TNFAIP2: variants seen among roughly 807,000 people sequenced by gnomAD.
TNFAIP2 encodes the protein tumor necrosis factor alpha-induced protein 2.
TNFAIP2 carries 47 observed loss-of-function variants against 63.5 expected under a neutral mutation model. That is an observed-to-expected ratio of 0.74 (90% CI 0.59 to 0.94). The LOEUF (loss-of-function observed/expected upper bound fraction) is 0.94, where lower values mean the gene tolerates loss of function less well. Ranked by LOEUF, TNFAIP2 falls within the 40% of genes least tolerant of loss-of-function variation. The probability of loss-of-function intolerance (pLI) is 0.00; values close to 1 mark genes in which losing one functional copy is unlikely to be tolerated. For missense variants in TNFAIP2, 787 were observed against 850.2 expected (o/e 0.93, Z 0.92); for synonymous variants, 405 against 390.2 (o/e 1.04, Z -0.45).
In TNFAIP2 at chr14:103,131,572, T is replaced by C; in HGVS notation, c.1299-67T>C. 1 of 1,507,144 alleles carries C rather than the reference T, an allele frequency of 6.6e-7. No individual in the cohort carries two copies. Among genetic ancestry groups the C allele is most frequent in the Non-Finnish European group, 8.9e-7 (1 of 1,127,322 alleles). 93.4% of individuals were successfully genotyped at this position (1,507,144 alleles called of 1,614,324 possible). On this transcript the variant is annotated intron_variant, in intron 7 of 11. Transcript: ENST00000560869. The surrounding 1 kb of genome is among the most constrained non-coding windows in gnomAD (Gnocchi z 4.0). ...TCTAGAGTGAAGAGAGGGGGCTGTC[T>C]GGCTCCCTGGGTATGGGGCTATAGG... is the stretch of plus-strand genomic sequence containing the variant.
Position 103,131,288 on chromosome 14 carries a change from G to A in TNFAIP2, c.1298+138G>A. On this transcript the variant is annotated intron_variant, in intron 7 of 11. Coordinates refer to ENST00000560869, the MANE Select transcript of TNFAIP2 (RefSeq NM_006291.4). This position sits in a 1 kb window ranked among gnomAD's most constrained non-coding sequence, Gnocchi z 4.0. ...CAGCAACATGTGTGAGGACTCCACG[G>A]CCTGCAGCAGCAGCAGCAAACATTT... 1 of 893,832 alleles carries A rather than the reference G, an allele frequency of 1.1e-6. No homozygotes were observed. Among genetic ancestry groups the A allele is most frequent in the Non-Finnish European group, 1.7e-6 (1 of 574,264 alleles). 55.4% of individuals were successfully genotyped at this position (893,832 alleles called of 1,614,324 possible). A position where few individuals can be genotyped will look rare whatever the true frequency, so the allele number is the denominator to read the frequency against.
chr14:103,129,670 C>G, intron 3 of TNFAIP2, 70 bp from the exon 4 acceptor site: 2 of 1,442,300 alleles, frequency 1.4e-6, no homozygotes, highest in Non-Finnish European at 1.9e-6. Context: ...GGCTGAGGGC[C>G]TGGGCTCTAG....
upstream of TNFAIP2, among the ~76,000 whole-genome samples, chr14:103,121,847 C>T (rs1016230104): frequency 7.6e-6 from 1 of 132,214 alleles, no homozygotes; most frequent in African/African-American, 2.9e-5. Flanking sequence ...GCAGACTTCC[C>T]GAGCAATTTC....
chr14:103,127,682 G>C lies in TNFAIP2; in HGVS notation c.860+53G>C. On this transcript the variant is annotated intron_variant, in intron 3 of 11. Transcript: ENST00000560869. The surrounding 1 kb of genome is among the most constrained non-coding windows in gnomAD (Gnocchi z 5.1). ...CCGGCAGGGAGGGTGTCCTCTGTAG[G>C]AGGGGTGTCGAGGGGTGTCGAGGTG... 7.2e-7 allele frequency: 1 copy of C among 1,387,632 alleles called. No homozygotes were observed. The highest frequency in any genetic ancestry group is 9.3e-7 in the Non-Finnish European group (1 of 1,073,190). 86.0% of individuals were successfully genotyped at this position (1,387,632 alleles called of 1,614,324 possible). A position where few individuals can be genotyped will look rare whatever the true frequency, so the allele number is the denominator to read the frequency against.
rs1210244645 is a variant in TNFAIP2, at chr14:103,127,128, G to A, written c.359G>A (p.Arg120Gln). 3 of 1,100,828 alleles carry A rather than the reference G, an allele frequency of 2.7e-6. No individual in the cohort carries two copies. Among genetic ancestry groups the A allele is most frequent in the South Asian group, 3.4e-5 (1 of 29,024 alleles). The allele number at this position is 1,100,828 out of a possible 1,614,324, so 68.2% of individuals were successfully genotyped here. A position where few individuals can be genotyped will look rare whatever the true frequency, so the allele number is the denominator to read the frequency against. ...AGGVSEEELV[R>Q]RQSKVEALYE... ...GGTGTGAGCGAGGAGGAGCTGGTGC[G>A]GCGCCAGAGCAAGGTGGAGGCGCTG... Residue 120 changes from arginine (R) to glutamine (Q), a missense_variant, in exon 3 of 12, where the codon CGG becomes CAG. By Grantham distance (43) the Arg-to-Gln change is conservative. Transcript: ENST00000560869. The surrounding 1 kb of genome is among the most constrained non-coding windows in gnomAD (Gnocchi z 5.1).
chr14:103,129,818 C>G lies in TNFAIP2; in HGVS notation c.939C>G (p.Ile313Met), dbSNP rs2087933035. The G allele has an allele frequency of 6.2e-7, 1 of 1,614,062 alleles. No homozygotes were observed. The highest frequency in any genetic ancestry group is 1.3e-5 in the African/African-American group (1 of 75,044). ...GLGSLLPPRQ[I>M]RLLEATFLSS... ...GGAGCCTCCTGCCCCCCAGGCAGATCCGACTGCTGGAGGCCACATTCCTGT... is the reference window on the plus strand; with the variant it reads ...GGAGCCTCCTGCCCCCCAGGCAGATGCGACTGCTGGAGGCCACATTCCTGT... The change falls in exon 4 of 12, where the codon ATC (isoleucine) becomes ATG (methionine). Residue 313 changes from isoleucine (I) to methionine (M), a missense_variant. Ile to Met is a conservative substitution (Grantham distance 10). This residue lies in a region of TNFAIP2 where 523 missense variants were observed against 604.1 expected (regional missense o/e 0.87). Coordinates refer to ENST00000560869, the MANE Select transcript of TNFAIP2 (RefSeq NM_006291.4).
Position 103,130,093 on chromosome 14 carries a change from G to A in TNFAIP2, c.1067G>A (p.Cys356Tyr), listed in dbSNP as rs1407670627. The stretch of plus-strand genomic sequence containing the variant: ...CCTCCCCAGAGGCTGGACGGCCACT[G>A]CCACAGCGAGCTGGCCATCGACATC... ...DVPPQRLDGH[C>Y]HSELAIDIIQ... Residue 356 changes from cysteine (C) to tyrosine (Y), a missense_variant, in exon 5 of 12, where the codon TGC becomes TAC. By Grantham distance (194) the Cys-to-Tyr change is radical. Around this residue, in one of 3 missense-constraint regions of TNFAIP2, gnomAD observed 523 missense variants for 604.1 expected, o/e 0.87. Transcript: ENST00000560869. 3.1e-6 allele frequency: 5 copies of A among 1,613,366 alleles called. No homozygotes were observed. The highest frequency in any genetic ancestry group is 4.2e-6 in the Non-Finnish European group (5 of 1,179,856).
At chr14:103,122,328 G>A (rs560977945), upstream of TNFAIP2, among the ~76,000 whole-genome samples, 21 of 152,300 alleles carry the variant, frequency 1.4e-4, 1 homozygote, top group South Asian at 4.3e-3. Flanking sequence ...TGGCCCCCCT[G>A]GTCCTGGAAG....
rs571706933 is a variant in TNFAIP2 at position 103,133,135 on chromosome 14, A to C, written c.1546-227A>C. On this transcript the variant is annotated intron_variant, in intron 9 of 11. Transcript: ENST00000560869. ...ACATATGAACACACGTGAAGGCACGAGCATGTAAACACACACATGTGAACA... is the reference window on the plus strand; with the variant it reads ...ACATATGAACACACGTGAAGGCACGCGCATGTAAACACACACATGTGAACA... Among the ~76,000 whole-genome samples the C allele has an allele frequency of 4.3e-5, 5 of 115,240 alleles. No individual in the cohort carries two copies. In the South Asian group the frequency reaches 1.2e-3, roughly 28 times the overall value. 75.6% of individuals were successfully genotyped at this position (115,240 alleles called of 152,430 possible).
Position 103,135,412 on chromosome 14 carries a change from C to A in TNFAIP2, c.*52C>A. ...GAGTGCCCAGCAAGCCTTGGGCACACCCCGCTGGGAGCTGTTAAGAGCAGC... is the reference window on the plus strand; with the variant it reads ...GAGTGCCCAGCAAGCCTTGGGCACAACCCGCTGGGAGCTGTTAAGAGCAGC... On this transcript the variant is annotated 3_prime_UTR_variant, in exon 12 of 12. Transcript: ENST00000560869. The surrounding 1 kb of genome is among the most constrained non-coding windows in gnomAD (Gnocchi z 7.6). 6.4e-7 allele frequency: 1 copy of A among 1,555,180 alleles called. No homozygotes were observed. Among genetic ancestry groups the A allele is most frequent in the African/African-American group, 1.4e-5 (1 of 73,412 alleles).
intron 11 of TNFAIP2, among the ~76,000 whole-genome samples, chr14:103,134,727 T>C (rs2088060984): frequency 6.6e-6 from 1 of 152,108 alleles, no homozygotes; most frequent in Non-Finnish European, 1.5e-5. Flanking sequence ...CTGCTAGGTG[T>C]CAGCCTCTGT....
At chr14:103,122,990 C>A (rs1004734904), upstream of TNFAIP2, 2 of 351,914 alleles carry the variant, frequency 5.7e-6, no homozygotes, top group Non-Finnish European at 5.7e-6. Flanking sequence ...CTTCAGGAAG[C>A]CCCCGTCCCC....
Position 103,136,398 on chromosome 14 carries a change from T to G in TNFAIP2, c.*1038T>G, listed in dbSNP as rs1445747743. 1 of 153,084 alleles carries G rather than the reference T, an allele frequency of 6.5e-6. No homozygotes were observed. Among genetic ancestry groups the G allele is most frequent in the Non-Finnish European group, 1.5e-5 (1 of 68,648 alleles). 9.5% of individuals were successfully genotyped at this position (153,084 alleles called of 1,614,324 possible). A position where few individuals can be genotyped will look rare whatever the true frequency, so the allele number is the denominator to read the frequency against. On this transcript the variant is annotated 3_prime_UTR_variant, in exon 12 of 12. Transcript: ENST00000560869. ...GGAGAATTCATTTCTGGCCTTTTCA[T>G]TTTTAGAGGCTGACCGTAATTCTTG...
chr14:103,122,380 G>A (rs535105886), upstream of TNFAIP2, among the ~76,000 whole-genome samples: 5 of 152,204 alleles, frequency 3.3e-5, no homozygotes, highest in African/African-American at 9.7e-5. Flanking sequence ...AGTGATCAGG[G>A]GGCGGGGAAA....
chr14:103,129,841 T>C lies in TNFAIP2; in HGVS notation c.962T>C (p.Leu321Pro). 6.2e-7 allele frequency: 1 copy of C among 1,613,874 alleles called. No individual in the cohort carries two copies. The highest frequency in any genetic ancestry group is 8.5e-7 in the Non-Finnish European group (1 of 1,179,862). ...RQIRLLEATF[L>P]SSEAANVREL... ...ATCCGACTGCTGGAGGCCACATTCC[T>C]GTCCAGTGAGGCGGTGAGTCTCCAC... Residue 321 changes from leucine (L) to proline (P), a missense_variant, in exon 4 of 12, where the codon CTG (leucine) becomes CCG (proline). Transcript: ENST00000560869.
Position 103,136,644 on chromosome 14 carries a change from C to G in TNFAIP2, c.*1284C>G, listed in dbSNP as rs150317393. 838 of 151,972 alleles carry G rather than the reference C, an allele frequency of 5.5e-3. 3 individuals are homozygous for G. Among genetic ancestry groups the G allele is most frequent in the South Asian group, 0.017 (84 of 4,818 alleles). The allele number at this position is 151,972 out of a possible 1,614,324, so 9.4% of individuals were successfully genotyped here. A position where few individuals can be genotyped will look rare whatever the true frequency, so the allele number is the denominator to read the frequency against. On this transcript the variant is annotated 3_prime_UTR_variant, in exon 12 of 12. Transcript: ENST00000560869. ...CCTGGTTCAAGTGATCCTCTTGTCT[C>G]AGTCCCCTGAGACAATCCCCCACGC... is the stretch of plus-strand genomic sequence containing the variant.
chr14:103,126,837 G>A (rs1185735917), intron 2 of TNFAIP2, 145 bp downstream of exon 2: 5 of 1,331,798 alleles, frequency 3.8e-6, no homozygotes, highest in African/African-American at 3.0e-5. Flanking sequence ...GCCGCAATCT[G>A]GGGGGCTGGG....
At position 103,126,562 on chromosome 14, in the gene TNFAIP2, G is replaced by C; in HGVS notation, c.105G>C (p.Lys35Asn). 1.9e-6 allele frequency: 3 copies of C among 1,559,576 alleles called. No individual in the cohort carries two copies. The highest frequency in any genetic ancestry group is 2.6e-6 in the Non-Finnish European group (3 of 1,151,896). ...EAAKKKKEKK[K>N]KSKGLANVFC... ...CGAAGAAGAAGAAGGAGAAGAAGAA[G>C]AAGTCCAAAGGCCTGGCCAATGTGT... Residue 35 changes from lysine to asparagine, a missense_variant, in exon 2 of 12, where the codon AAG becomes AAC. By Grantham distance (94) the Lys-to-Asn change is moderately conservative. Transcript: ENST00000560869.
Position 103,123,628 on chromosome 14 carries a change from A to T in TNFAIP2, c.-472A>T, listed in dbSNP as rs1216425305. The T allele has an allele frequency of 6.6e-6, 1 of 152,130 alleles. No homozygotes were observed. Among genetic ancestry groups the T allele is most frequent in the Non-Finnish European group, 1.5e-5 (1 of 68,034 alleles). The allele number at this position is 152,130 out of a possible 1,614,324, so 9.4% of individuals were successfully genotyped here. A position where few individuals can be genotyped will look rare whatever the true frequency, so the allele number is the denominator to read the frequency against. On this transcript the variant is annotated 5_prime_UTR_variant, in exon 1 of 12. Transcript: ENST00000560869. Reference sequence around the variant, plus strand: ...AGGAGGGGGCTGGACGCTTCCAGGGAAACTGAGGCCCTGGCGCGCCCAGCG... The same window carrying T: ...AGGAGGGGGCTGGACGCTTCCAGGGTAACTGAGGCCCTGGCGCGCCCAGCG...
Sources: gnomAD v4.1 joint callset for allele counts (sites outside exome capture counted in the v4.1 genomes callset) on GRCh38, gnomAD v4.1.1 for gene constraint, gnomAD v4.1.1 regional missense constraint, Gnocchi (gnomAD v3.1) non-coding constraint, MANE v1.5 for transcripts, NCBI Gene and HGNC (gene_info 2026-07-23, HGNC 2026-07-21) for gene names.